Variants in MSANTD3 observed in about 807,000 individuals in gnomAD.
MSANTD3 encodes myb/SANT-like DNA-binding domain-containing protein 3.
A neutral mutation model predicts 27.7 loss-of-function variants in MSANTD3; 11 were observed. That is an observed-to-expected ratio of 0.40 (90% CI 0.25 to 0.66). The LOEUF (loss-of-function observed/expected upper bound fraction) is 0.66. Ranked by LOEUF, MSANTD3 falls within the 30% of genes least tolerant of loss-of-function variation. MSANTD3 has a pLI of 0.41. For synonymous variants in MSANTD3, 131 were observed against 127.2 expected, an observed-to-expected ratio of 1.03 and a Z score of -0.20; for missense variants, 250 against 336.5, an observed-to-expected ratio of 0.74 and a Z score of 2.01.
At chr9:100,449,407 G>A (rs1836830749) in intron 2 of MSANTD3, among the ~76,000 whole-genome samples, 1 of 152,190 alleles carries the variant, frequency 6.6e-6, no homozygotes, top group African/African-American at 2.4e-5. Flanking sequence ...ATGTCATGGT[G>A]CCAAAACAAT....
intron 2 of MSANTD3, 134 bp from the exon 3 acceptor site, chr9:100,450,423 A>G: frequency 2.6e-6 from 2 of 770,898 alleles, no homozygotes; most frequent in South Asian, 5.4e-5. Context: ...GTCCCTGTAG[A>G]CATGAAGACC....
rs528442206 is a variant in MSANTD3 at position 100,449,261 on chromosome 9, G to A, written c.419-1296G>A. ...TAATAAAAAAAGCAGGGCAAACATAGCACCTACCAAACGTGGTATCCTTTT... is the reference window on the plus strand; with the variant it reads ...TAATAAAAAAAGCAGGGCAAACATAACACCTACCAAACGTGGTATCCTTTT... On this transcript the variant is annotated intron_variant, in intron 2 of 2. Transcript: ENST00000395067. 21 of 985,280 alleles carry A rather than the reference G, an allele frequency of 2.1e-5. No homozygotes were observed. The South Asian group carries it at 8.0e-4, about 37-fold the overall frequency. The allele number at this position is 985,280 out of a possible 1,614,324, so 61.0% of individuals were successfully genotyped here.
intron 2 of MSANTD3, 77 bp from the exon 3 acceptor site, chr9:100,450,480 A>C: frequency 7.4e-7 from 1 of 1,350,606 alleles, no homozygotes; most frequent in Non-Finnish European, 1.0e-6. Flanking sequence ...GGACCCTGTC[A>C]TTTGAAATAG....
At chr9:100,445,821 G>C (rs2118253642) in intron 2 of MSANTD3, among the ~76,000 whole-genome samples, 1 of 152,250 alleles carries the variant, frequency 6.6e-6, no homozygotes, top group African/African-American at 2.4e-5. Flanking sequence ...GATATACTTA[G>C]CTTTGTCAAC....
intron 2 of MSANTD3, chr9:100,448,615 C>A: frequency 1.0e-6 from 1 of 985,378 alleles, no homozygotes; most frequent in Non-Finnish European, 1.2e-6. Flanking sequence ...TATACCAGGC[C>A]CTGTGCTGGG....
chr9:100,451,138 A>G lies in MSANTD3; in HGVS notation c.*172A>G. 1 of 589,580 alleles carries G rather than the reference A, an allele frequency of 1.7e-6. No homozygotes were observed. The highest frequency in any genetic ancestry group is 2.9e-6 in the Non-Finnish European group (1 of 350,766). The allele number at this position is 589,580 out of a possible 1,614,324, so 36.5% of individuals were successfully genotyped here. A position where few individuals can be genotyped will look rare whatever the true frequency, so the allele number is the denominator to read the frequency against. ...ACAGCTGCACCCTCTGTACCCCTTA[A>G]GTGGCAAAGAAGCTGTTATAGTCTT... On this transcript the variant is annotated 3_prime_UTR_variant, in exon 3 of 3. Coordinates refer to ENST00000395067, the MANE Select transcript of MSANTD3 (RefSeq NM_080655.3).
chr9:100,436,600 A>C (rs1836483924), intron 1 of MSANTD3, among the ~76,000 whole-genome samples: 1 of 152,178 alleles, frequency 6.6e-6, no homozygotes, highest in African/African-American at 2.4e-5. Flanking sequence ...TTATGTTGTC[A>C]TTTATAAACA....
intron 1 of MSANTD3, among the ~76,000 whole-genome samples, chr9:100,436,189 G>A (rs1836474353): frequency 6.6e-6 from 1 of 152,144 alleles, no homozygotes; most frequent in Admixed American, 6.5e-5. Flanking sequence ...CCAGGCTGAA[G>A]TGGGGTGACT....
At chr9:100,439,970 T>C (rs1016558631) in intron 1 of MSANTD3, among the ~76,000 whole-genome samples, 7 of 152,186 alleles carry the variant, frequency 4.6e-5, no homozygotes, top group Admixed American at 2.0e-4. Context: ...GGAACGATAA[T>C]GCTTACTTTA....
rs753428718 is a variant in MSANTD3, at chr9:100,450,798, G to A, written c.660G>A (p.Val220=). 32 of 1,614,010 alleles carry A rather than the reference G, an allele frequency of 2.0e-5. No homozygotes were observed. Among genetic ancestry groups the A allele is most frequent in the Non-Finnish European group, 2.2e-5 (26 of 1,180,004 alleles). Residue 220 remains valine, a synonymous_variant, in exon 3 of 3, where the codon GTG becomes GTA. Transcript: ENST00000395067. The part of the protein sequence containing the change: ...LQLIQMNEVH[V]AKIQQIEREC... ...TGATACAAATGAATGAGGTGCATGT[G>A]GCCAAAATCCAGCAGATAGAGCGAG...
In MSANTD3 at chr9:100,450,959, C is replaced by T. The variant is rs528915769; in HGVS notation, c.821C>T (p.Ser274Leu). ...VSSFNRPFPN[S>L]P is the part of the protein sequence containing the mutation. The stretch of plus-strand genomic sequence containing the variant: ...TCATTTAACCGGCCCTTTCCCAATT[C>T]GCCCTAAGACTTTGGGGGTGGCTCT... Residue 274 changes from serine (S) to leucine (L), a missense_variant, in exon 3 of 3, where the codon TCG becomes TTG. By Grantham distance (145) the Ser-to-Leu change is moderately radical. Coordinates refer to ENST00000395067, the MANE Select transcript of MSANTD3 (RefSeq NM_080655.3). The T allele has an allele frequency of 2.1e-5, 33 of 1,576,382 alleles. No homozygotes were observed. Among genetic ancestry groups the T allele is most frequent in the South Asian group, 7.2e-5 (6 of 83,442 alleles).
chr9:100,430,462 G>A (rs1282314847), intron 1 of MSANTD3, among the ~76,000 whole-genome samples: 1 of 152,120 alleles, frequency 6.6e-6, no homozygotes, highest in Non-Finnish European at 1.5e-5. Context: ...GGGCTGGTGG[G>A]GGTGCTATAA....
At chr9:100,447,161 A>C (rs1370506337) in intron 2 of MSANTD3, among the ~76,000 whole-genome samples, 2 of 151,914 alleles carry the variant, frequency 1.3e-5, no homozygotes, top group Admixed American at 1.3e-4. Context: ...CTTTGTTTTT[A>C]CCTCTGAGAG....
At chr9:100,432,275 A>G (rs541530453) in intron 1 of MSANTD3, among the ~76,000 whole-genome samples, 12 of 152,312 alleles carry the variant, frequency 7.9e-5, no homozygotes, top group African/African-American at 2.9e-4. Context: ...GAAAGAAGGT[A>G]GAGAGGCAGA....
chr9:100,446,064 C>G (rs576232166), intron 2 of MSANTD3, among the ~76,000 whole-genome samples: 1 of 152,160 alleles, frequency 6.6e-6, no homozygotes, highest in South Asian at 2.1e-4. Context: ...CAATAAAATT[C>G]GCTAGGAGTG....
intron 1 of MSANTD3, among the ~76,000 whole-genome samples, chr9:100,438,426 A>C (rs1827192566): frequency 7.4e-6 from 1 of 135,112 alleles, no homozygotes. Context: ...TTTATTTAGA[A>C]AGTGTGTGTG....
chr9:100,433,633 C>T (rs758037031), intron 1 of MSANTD3, among the ~76,000 whole-genome samples: 15 of 151,958 alleles, frequency 9.9e-5, no homozygotes, highest in Non-Finnish European at 1.5e-4. Context: ...TGCCTTAGGC[C>T]CAAAGTTCTG....
At chr9:100,450,221 C>T (rs1229680867) in intron 2 of MSANTD3, among the ~76,000 whole-genome samples, 5 of 152,204 alleles carry the variant, frequency 3.3e-5, no homozygotes, top group Admixed American at 6.5e-5. Flanking sequence ...GTCCTACGCT[C>T]ATCAGAGTTG....
At chr9:100,432,018 G>T (rs1042790264) in intron 1 of MSANTD3, among the ~76,000 whole-genome samples, 2 of 152,144 alleles carry the variant, frequency 1.3e-5, no homozygotes, top group African/African-American at 4.8e-5. Context: ...GAAGGACGGG[G>T]TTAGGACTTT....
Sources: gnomAD v4.1 joint callset for allele counts (sites outside exome capture counted in the v4.1 genomes callset) on GRCh38, gnomAD v4.1.1 for gene constraint, MANE v1.5 for transcripts, NCBI Gene and HGNC (gene_info 2026-07-23, HGNC 2026-07-21) for gene names.